OR11H4: variants seen among roughly 807,000 people sequenced by gnomAD.
OR11H4 encodes the protein olfactory receptor family 11 subfamily H member 4.
For missense variants in OR11H4, 460 were observed against 371.1 expected, an observed-to-expected ratio of 1.24 and a Z score of -1.97; for synonymous variants, 162 against 142.3, an observed-to-expected ratio of 1.14 and a Z score of -0.98.
At chr14:20,241,900 T>C (rs1880934055) in intron 1 of OR11H4, among the ~76,000 whole-genome samples, 1 of 152,030 alleles carries the variant, frequency 6.6e-6, no homozygotes, top group African/African-American at 2.4e-5. Flanking sequence ...GATATATAGT[T>C]CTCTCCACCC....
intron 1 of OR11H4, 113 bp from the exon 2 acceptor site, chr14:20,242,698 A>G: frequency 8.1e-7 from 1 of 1,234,042 alleles, no homozygotes; most frequent in Non-Finnish European, 1.1e-6. Flanking sequence ...TATCTCATGT[A>G]TTTTCCTGTA....
At chr14:20,241,816 A>T (rs2138749892) in intron 1 of OR11H4, among the ~76,000 whole-genome samples, 1 of 152,194 alleles carries the variant, frequency 6.6e-6, no homozygotes, top group African/African-American at 2.4e-5. Flanking sequence ...TCAGCAAAAA[A>T]CATGTGAGCA....
At chr14:20,242,033 T>A (rs11628417) in intron 1 of OR11H4, among the ~76,000 whole-genome samples, 2 of 151,918 alleles carry the variant, frequency 1.3e-5, no homozygotes, top group African/African-American at 2.4e-5. Flanking sequence ...GTTTTATACC[T>A]AGACATTCAG....
In OR11H4 at chr14:20,243,246, G is replaced by T. The variant is rs199785532; in HGVS notation, c.425G>T (p.Gly142Val). The change falls in exon 2 of 2, where the codon GGT becomes GTT. Residue 142 changes from glycine to valine, a missense_variant. By Grantham distance (109) the Gly-to-Val change is moderately radical. Coordinates refer to ENST00000641082, the MANE Select transcript of OR11H4 (RefSeq NM_001004479.2). ...GCCATCATGACTGTAAGGTTCTGTG[G>T]TAAGCTGGTGTCTTTCTGTTGGCTT... Reference protein sequence around the residue: ...YPAIMTVRFCGKLVSFCWLIG... With the variant: ...YPAIMTVRFCVKLVSFCWLIG... 1 of 1,614,154 alleles carries T rather than the reference G, an allele frequency of 6.2e-7. No homozygotes were observed.
At chr14:20,242,031 C>T (rs1032259101) in intron 1 of OR11H4, among the ~76,000 whole-genome samples, 3 of 151,922 alleles carry the variant, frequency 2.0e-5, no homozygotes, top group African/African-American at 7.3e-5. Flanking sequence ...GGGTTTTATA[C>T]CTAGACATTC....
At chr14:20,240,456 C>T (rs1880889939) in intron 1 of OR11H4, among the ~76,000 whole-genome samples, 1 of 152,110 alleles carries the variant, frequency 6.6e-6, no homozygotes, top group Non-Finnish European at 1.5e-5. Context: ...CCTTCAACTT[C>T]TGTGTTCTTT....
intron 1 of OR11H4, among the ~76,000 whole-genome samples, chr14:20,241,079 C>A (rs942122278): frequency 2.0e-5 from 3 of 152,034 alleles, no homozygotes; most frequent in African/African-American, 4.8e-5. Flanking sequence ...CATAGGATTG[C>A]AGATGAAGCC....
Position 20,243,101 on chromosome 14 carries a change from T to G in OR11H4, c.280T>G (p.Phe94Val). ...TCTCTCCAAGACCAAGGCCATCTCA[T>G]TTTCTGGGTGCTTCCTCCAGTTCTA... ...NILSKTKAIS[F>V]SGCFLQFYFF... The change falls in exon 2 of 2, where the codon TTT (phenylalanine) becomes GTT (valine). Residue 94 changes from phenylalanine (F) to valine (V), a missense_variant. Transcript: ENST00000641082. 1 of 1,614,160 alleles carries G rather than the reference T, an allele frequency of 6.2e-7. No individual in the cohort carries two copies. The highest frequency in any genetic ancestry group is 2.2e-5 in the East Asian group (1 of 44,880).
Position 20,242,973 on chromosome 14 carries a change from G to A in OR11H4, c.152G>A (p.Cys51Tyr), listed in dbSNP as rs1358564181. The change falls in exon 2 of 2, where the codon TGC (cysteine) becomes TAC (tyrosine). Residue 51 changes from cysteine to tyrosine, a missense_variant. Physicochemically the swap from Cys to Tyr is radical, Grantham distance 194. Transcript: ENST00000641082. ...GNGAIIYAVR[C>Y]NPLLHTPMYF... is the part of the protein sequence containing the mutation. ...GGAGCCATCATCTATGCAGTGAGATGCAACCCACTACTACACACCCCCATG... is the reference window on the plus strand; with the variant it reads ...GGAGCCATCATCTATGCAGTGAGATACAACCCACTACTACACACCCCCATG... 3 of 1,613,956 alleles carry A rather than the reference G, an allele frequency of 1.9e-6. No homozygotes were observed. Among genetic ancestry groups the A allele is most frequent in the Non-Finnish European group, 2.5e-6 (3 of 1,180,018 alleles).
In OR11H4 at chr14:20,240,999, T is replaced by G. The variant is rs184126160; in HGVS notation, c.-12+1668T>G. 7.2e-5 allele frequency among the ~76,000 whole-genome samples: 11 copies of G among 152,302 alleles called. No individual in the cohort carries two copies. The East Asian group carries it at 2.1e-3, about 29-fold the overall frequency. On this transcript the variant is annotated intron_variant, in intron 1 of 1. Transcript: ENST00000641082. ...CTTAAATACATAAACTTGTTGCTAC[T>G]GAAAAGTACATACCTAGTCAAATAT...
chr14:20,243,604 T>C lies in OR11H4; in HGVS notation c.783T>C (p.Ser261=). 1 of 1,613,348 alleles carries C rather than the reference T, an allele frequency of 6.2e-7. No individual in the cohort carries two copies. The highest frequency in any genetic ancestry group is 8.5e-7 in the Non-Finnish European group (1 of 1,179,312). ...GGACAGTCATGGTAATGTATGTAAG[T>C]CCTACATATGGGATCCCAACTTTAT... The part of the protein sequence containing the change: ...FYGTVMVMYV[S]PTYGIPTLLQ... The change falls in exon 2 of 2, where the codon AGT becomes AGC. Residue 261 remains serine, a synonymous_variant. Coordinates refer to ENST00000641082, the MANE Select transcript of OR11H4 (RefSeq NM_001004479.2).
chr14:20,241,226 A>G (rs143479237), intron 1 of OR11H4, among the ~76,000 whole-genome samples: 31 of 152,330 alleles, frequency 2.0e-4, no homozygotes, highest in Non-Finnish European at 4.1e-4. Context: ...AAAAAGTAAG[A>G]TAGTTCCTTT....
At chr14:20,241,556 T>G (rs1487066013) in intron 1 of OR11H4, among the ~76,000 whole-genome samples, 1 of 152,176 alleles carries the variant, frequency 6.6e-6, no homozygotes, top group Non-Finnish European at 1.5e-5. Flanking sequence ...CACTAGTGTC[T>G]GGAGAGGTGG....
In OR11H4 at chr14:20,242,789, C is replaced by T. The variant is rs747203115; in HGVS notation, c.-11-22C>T. ...TACACTCCAAGAGACTTGGATTACA[C>T]TCATGTCTTTCTTCTTTGTAGACTT... is the stretch of plus-strand genomic sequence containing the variant. On this transcript the variant is annotated intron_variant, in intron 1 of 1. Transcript: ENST00000641082. 2.1e-5 allele frequency: 34 copies of T among 1,608,430 alleles called. 1 individual carries two copies. In the South Asian group the frequency reaches 3.7e-4, roughly 17 times the overall value.
In OR11H4 at chr14:20,243,411, G is replaced by A. The variant is rs1566371760; in HGVS notation, c.590G>A (p.Cys197Tyr). ...TGTGCCCCAGCTCCCATAACTGAAT[G>A]TATTTTCTATACTCAGAGCTCCCTT... is the stretch of plus-strand genomic sequence containing the variant. ...LSCAPAPITE[C>Y]IFYTQSSLVL... The change falls in exon 2 of 2, where the codon TGT becomes TAT. Residue 197 changes from cysteine to tyrosine, a missense_variant. Transcript: ENST00000641082. 1 of 1,613,956 alleles carries A rather than the reference G, an allele frequency of 6.2e-7. No individual in the cohort carries two copies. The highest frequency in any genetic ancestry group is 8.5e-7 in the Non-Finnish European group (1 of 1,179,936).
chr14:20,243,076 T>C lies in OR11H4; in HGVS notation c.255T>C (p.Ile85=), dbSNP rs772799195. 4 of 1,614,180 alleles carry C rather than the reference T, an allele frequency of 2.5e-6. No individual in the cohort carries two copies. The highest frequency in any genetic ancestry group is 2.2e-5 in the South Asian group (2 of 91,086). ...CTATTCCTAACATGCTAGTCAACAT[T>C]CTCTCCAAGACCAAGGCCATCTCAT... ...SSTIPNMLVN[I]LSKTKAISFS... Residue 85 remains isoleucine, a synonymous_variant, in exon 2 of 2, where the codon ATT becomes ATC. Coordinates refer to ENST00000641082, the MANE Select transcript of OR11H4 (RefSeq NM_001004479.2).
chr14:20,242,573 C>T (rs1351672477), intron 1 of OR11H4, among the ~76,000 whole-genome samples: 1 of 152,144 alleles, frequency 6.6e-6, no homozygotes, highest in Non-Finnish European at 1.5e-5. Flanking sequence ...CTCTCTTTTC[C>T]CTACAGTGTC....
At chr14:20,241,588 GT>G (rs1475583937) in intron 1 of OR11H4, among the ~76,000 whole-genome samples, 2 of 152,180 alleles carry the variant, frequency 1.3e-5, no homozygotes, top group African/African-American at 2.4e-5. Context: ...ACACCTGTGG[GT>G]ATTTCTGGTC....
Position 20,243,542 on chromosome 14 carries a change from T to C in OR11H4, c.721T>C (p.Cys241Arg). The part of the protein sequence containing the change: ...AAGRRKAFST[C>R]GSHLVVVSLF... ...TGGTCGGAGAAAAGCCTTCTCTACC[T>C]GTGGTTCTCATTTGGTTGTGGTATC... The change falls in exon 2 of 2, where the codon TGT becomes CGT. Residue 241 changes from cysteine to arginine, a missense_variant. Cys to Arg is a radical substitution (Grantham distance 180). Transcript: ENST00000641082. 1 of 1,613,572 alleles carries C rather than the reference T, an allele frequency of 6.2e-7. No homozygotes were observed. The highest frequency in any genetic ancestry group is 8.5e-7 in the Non-Finnish European group (1 of 1,179,840).
Sources: gnomAD v4.1 joint callset for allele counts (sites outside exome capture counted in the v4.1 genomes callset) on GRCh38, gnomAD v4.1.1 for gene constraint, MANE v1.5 for transcripts, NCBI Gene and HGNC (gene_info 2026-07-23, HGNC 2026-07-21) for gene names.